Variants in XPO7 observed in about 807,000 individuals in gnomAD.
The protein encoded by XPO7 is exportin 7.
XPO7 carries 21 observed loss-of-function variants against 144.3 expected under a neutral mutation model. The observed-to-expected ratio is 0.15, with a 90% CI of 0.10 to 0.21. The LOEUF (loss-of-function observed/expected upper bound fraction) is 0.21. Ranked by LOEUF, XPO7 falls within the 10% of genes least tolerant of loss-of-function variation. The probability of loss-of-function intolerance (pLI) is 1.00; values close to 1 mark genes in which losing one functional copy is unlikely to be tolerated. For missense variants in XPO7, 808 were observed against 1,325.8 expected, an observed-to-expected ratio of 0.61 and a Z score of 6.06; for synonymous variants, 580 against 499.6, an observed-to-expected ratio of 1.16 and a Z score of -2.15.
chr8:21,969,449 C>CA (rs761869555), intron 2 of XPO7, 34 bp from the exon 3 acceptor site: 563 of 1,569,220 alleles, frequency 3.6e-4, no homozygotes, highest in Non-Finnish European at 3.7e-4. Context: ...TTACTCAATA[C>CA]AATTTTAAGT....
chr8:21,996,222 T>C (rs67385415), intron 21 of XPO7, among the ~76,000 whole-genome samples: 54,527 of 152,038 alleles, frequency 0.36, 10,411 homozygotes, highest in Non-Finnish European at 0.43. Context: ...GCAGTAGTTC[T>C]AGATCAGCCT....
At chr8:21,922,569 T>TA (rs1810324092) in intron 1 of XPO7, among the ~76,000 whole-genome samples, 1 of 152,178 alleles carries the variant, frequency 6.6e-6, no homozygotes, top group Non-Finnish European at 1.5e-5. Context: ...TTAACATATC[T>TA]AAAGCTGGTA....
chr8:22,005,957 G>A lies in XPO7; in HGVS notation c.*869G>A, dbSNP rs918348814. 2 of 152,214 alleles carry A rather than the reference G, an allele frequency of 1.3e-5. No homozygotes were observed. Among genetic ancestry groups the A allele is most frequent in the Non-Finnish European group, 2.9e-5 (2 of 68,042 alleles). The allele number at this position is 152,214 out of a possible 1,614,324, so 9.4% of individuals were successfully genotyped here. On this transcript the variant is annotated 3_prime_UTR_variant, in exon 28 of 28. Transcript: ENST00000252512. Reference sequence around the variant, plus strand: ...TTGTAGGGTTCTTGGTCTGTGTGAAGGCAGAGACCAGAGAGAAGGAAGTGA... The same window carrying A: ...TTGTAGGGTTCTTGGTCTGTGTGAAAGCAGAGACCAGAGAGAAGGAAGTGA...
chr8:21,982,026 T>C, intron 10 of XPO7, 149 bp downstream of exon 10: 2 of 1,018,344 alleles, frequency 2.0e-6, no homozygotes, highest in Non-Finnish European at 2.8e-6. Context: ...TTGTGGCCTG[T>C]GATTTACATT....
At chr8:22,002,751 T>C (rs900950704) in intron 25 of XPO7, among the ~76,000 whole-genome samples, 1 of 152,070 alleles carries the variant, frequency 6.6e-6, no homozygotes, top group Non-Finnish European at 1.5e-5. Flanking sequence ...TAGATGAAAA[T>C]AGATAAGGAA....
chr8:21,990,633 A>C (rs1415990397), intron 17 of XPO7, 178 bp from the exon 18 acceptor site: 1 of 715,072 alleles, frequency 1.4e-6, no homozygotes, highest in Non-Finnish European at 2.3e-6. Context: ...CATACTGCAG[A>C]TAAATTAGTA....
At chr8:21,977,147 A>G (rs1414430983) in intron 7 of XPO7, among the ~76,000 whole-genome samples, 1 of 152,136 alleles carries the variant, frequency 6.6e-6, no homozygotes, top group Non-Finnish European at 1.5e-5. Context: ...AAACACAACA[A>G]CTTGTTCTTA....
chr8:22,005,121 G>C lies in XPO7; in HGVS notation c.*33G>C, dbSNP rs370764155. On this transcript the variant is annotated 3_prime_UTR_variant, in exon 28 of 28. Transcript: ENST00000252512. ...TTGGACTCTACCTGTACAGAGCAGC[G>C]TCCCTTTGGTTTGGCCCAGAGGGGC... The C allele has an allele frequency of 6.4e-7, 1 of 1,559,990 alleles. No homozygotes were observed. The highest frequency in any genetic ancestry group is 1.2e-5 in the South Asian group (1 of 86,630).
intron 13 of XPO7, 100 bp from the exon 14 acceptor site, chr8:21,987,041 C>A: frequency 1.3e-6 from 2 of 1,536,706 alleles, no homozygotes; most frequent in East Asian, 4.5e-5. Context: ...GGTTGCTGTA[C>A]CCAAGTACAG....
At chr8:21,989,672 A>G (rs905657244) in intron 16 of XPO7, among the ~76,000 whole-genome samples, 2 of 152,012 alleles carry the variant, frequency 1.3e-5, no homozygotes, top group Non-Finnish European at 2.9e-5. Flanking sequence ...CATTATACAC[A>G]ATATATGCCT....
intron 1 of XPO7, among the ~76,000 whole-genome samples, chr8:21,946,048 T>C (rs1811179309): frequency 6.6e-6 from 1 of 152,074 alleles, no homozygotes; most frequent in African/African-American, 2.4e-5. Context: ...AACAGGAAAA[T>C]GGAGGTACTC....
intron 1 of XPO7, chr8:21,966,359 A>G (rs2117323044): frequency 1.3e-6 from 1 of 777,610 alleles, no homozygotes; most frequent in East Asian, 2.4e-5. Flanking sequence ...TTTCTCGTAC[A>G]GGTGACCATC....
intron 1 of XPO7, among the ~76,000 whole-genome samples, chr8:21,931,500 C>T (rs1585416809): frequency 6.6e-6 from 1 of 152,220 alleles, no homozygotes; most frequent in Non-Finnish European, 1.5e-5. Context: ...GAGTGAAACA[C>T]TGGTATTTTA....
chr8:21,963,409 G>A (rs928264197), intron 1 of XPO7, among the ~76,000 whole-genome samples: 1 of 151,550 alleles, frequency 6.6e-6, no homozygotes, highest in Non-Finnish European at 1.5e-5. Flanking sequence ...TAATTTAAAA[G>A]TATAGACCGG....
intron 1 of XPO7, among the ~76,000 whole-genome samples, chr8:21,925,258 T>G (rs1810422210): frequency 6.6e-6 from 1 of 152,184 alleles, no homozygotes; most frequent in Admixed American, 6.5e-5. Context: ...ATTTCTGATA[T>G]TTGCTTCAAT....
intron 1 of XPO7, among the ~76,000 whole-genome samples, chr8:21,931,348 A>T (rs1439053224): frequency 1.3e-5 from 2 of 151,892 alleles, no homozygotes; most frequent in Non-Finnish European, 2.9e-5. Context: ...TTTTTAGTGG[A>T]GGTGGGGTTT....
chr8:21,969,604 TGAA>T, intron 3 of XPO7, 28 bp downstream of exon 3: 1 of 1,586,428 alleles, frequency 6.3e-7, no homozygotes. Context: ...TGTTCTGTCT[TGAA>T]GAAAATAGTT....
intron 21 of XPO7, among the ~76,000 whole-genome samples, 186 bp from the exon 22 acceptor site, chr8:21,998,569 G>A (rs187758708): frequency 1.3e-5 from 2 of 151,994 alleles, no homozygotes; most frequent in East Asian, 1.9e-4. Flanking sequence ...TAGCATGTTG[G>A]TCTTCAATAT....
chr8:21,929,843 G>A (rs1810587427), intron 1 of XPO7, among the ~76,000 whole-genome samples: 1 of 152,122 alleles, frequency 6.6e-6, no homozygotes, highest in Non-Finnish European at 1.5e-5. Flanking sequence ...AAAGAGTGAA[G>A]TGGAAGTCAG....
Sources: allele counts gnomAD v4.1 joint callset (sites outside exome capture counted in the v4.1 genomes callset), GRCh38; gene constraint gnomAD v4.1.1; transcripts MANE v1.5; gene names NCBI Gene and HGNC (gene_info 2026-07-23, HGNC 2026-07-21).